Variants in PLEC observed in about 807,000 individuals in gnomAD.
PLEC encodes the protein hemidesmosomal protein 1.
A neutral mutation model predicts 392.8 loss-of-function variants in PLEC; 216 were observed. The ratio of observed to expected loss-of-function variants is 0.55; its 90% CI spans 0.49 to 0.62. The LOEUF (loss-of-function observed/expected upper bound fraction) is 0.62, where lower values mean the gene tolerates loss of function less well. Ranked by LOEUF, PLEC falls within the 20% of genes least tolerant of loss-of-function variation. The pLI, the probability that PLEC is intolerant of heterozygous loss-of-function variation, is 0.00. For synonymous variants in PLEC, 3,621 were observed against 2,980.6 expected, an observed-to-expected ratio of 1.21 and a Z score of -7.00; for missense variants, 6,863 against 6,563.4, an observed-to-expected ratio of 1.05 and a Z score of -1.58.
chr8:143,959,843 A>G (rs1318891462), intron 1 of PLEC, among the ~76,000 whole-genome samples: 1 of 151,864 alleles, frequency 6.6e-6, no homozygotes, highest in African/African-American at 2.4e-5. Flanking sequence ...AAAAATACAA[A>G]ATATTAGCCG....
rs1554697522 is a variant in PLEC, at chr8:143,924,467, T to G, written c.5462A>C (p.Glu1821Ala). The change falls in exon 31 of 32, where the codon GAG becomes GCG. Residue 1821 changes from glutamate (E) to alanine (A), a missense_variant. Physicochemically the swap from Glu to Ala is moderately radical, Grantham distance 107. Coordinates refer to ENST00000345136, the MANE Select transcript of PLEC (RefSeq NM_201384.3). Reference protein sequence around the residue: ...EEAKRQRQLAEEDAARQRAEA... With the variant: ...EEAKRQRQLAAEDAARQRAEA... ...GGCCCGCTGCCGCGCCGCGTCTTCC[T>G]CGGCCAGCTGCCGCTGCCGCTTGGC... is the stretch of plus-strand genomic sequence containing the variant. 1.9e-6 allele frequency: 3 copies of G among 1,545,000 alleles called. No individual in the cohort carries two copies. The highest frequency in any genetic ancestry group is 2.6e-6 in the Non-Finnish European group (3 of 1,155,036).
At chr8:143,929,330 A>G in intron 24 of PLEC, 49 bp from the exon 25 acceptor site, 1 of 1,577,886 alleles carries the variant, frequency 6.3e-7, no homozygotes, top group Non-Finnish European at 8.6e-7. Flanking sequence ...CGCAGCACAC[A>G]GCGCCCCTTG....
At chr8:143,947,868 T>G (rs1554733141) in intron 1 of PLEC, among the ~76,000 whole-genome samples, 1 of 152,196 alleles carries the variant, frequency 6.6e-6, no homozygotes, top group Non-Finnish European at 1.5e-5. Flanking sequence ...GGCCTTCCCA[T>G]GGGTCCTCTC....
chr8:143,923,013 C>A lies in PLEC; in HGVS notation c.6916G>T (p.Ala2306Ser). The A allele has an allele frequency of 6.2e-7, 1 of 1,611,902 alleles. No individual in the cohort carries two copies. The highest frequency in any genetic ancestry group is 1.7e-5 in the Admixed American group (1 of 59,904). Reference protein sequence around the residue: ...LAEEDLAQQRALAEKMLKEKM... With the variant: ...LAEEDLAQQRSLAEKMLKEKM... ...TCCTTGAGCATCTTCTCTGCCAAGG[C>A]CCGCTGCTGTGCCAGGTCCTCCTCT... The change falls in exon 31 of 32, where the codon GCC (alanine) becomes TCC (serine). Residue 2306 changes from alanine to serine, a missense_variant. Transcript: ENST00000345136.
chr8:143,975,466 T>C (rs901493150), upstream of PLEC: 29 of 1,086,862 alleles, frequency 2.7e-5, no homozygotes, highest in African/African-American at 2.5e-4. This position sits in a 1 kb window ranked among gnomAD's most constrained non-coding sequence, Gnocchi z 9.9. Flanking sequence ...ACCTAGACAC[T>C]GAACTCTCCC....
At position 143,924,492 on chromosome 8, in the gene PLEC, C is replaced by A; in HGVS notation, c.5437G>T (p.Ala1813Ser). Residue 1813 changes from alanine to serine, a missense_variant, in exon 31 of 32, where the codon GCC becomes TCC. By Grantham distance (99) the Ala-to-Ser change is moderately conservative. Coordinates refer to ENST00000345136, the MANE Select transcript of PLEC (RefSeq NM_201384.3). The stretch of plus-strand genomic sequence containing the variant: ...TCGGCCAGCTGCCGCTGCCGCTTGG[C>A]CTCTTCCGCCAGGGCACGCAGGCGG... The part of the protein sequence containing the change: ...AARLRALAEE[A>S]KRQRQLAEED... 1.9e-6 allele frequency: 3 copies of A among 1,545,512 alleles called. No homozygotes were observed. In the South Asian group the frequency reaches 3.5e-5, roughly 18 times the overall value.
intron 1 of PLEC, among the ~76,000 whole-genome samples, chr8:143,968,529 C>CAAAAAAAAA (rs57468544): frequency 0.19 from 11,728 of 61,702 alleles, 1,480 homozygotes; most frequent in African/African-American, 0.3. Flanking sequence ...AACTCCATCT[C>CAAAAAAAAA]AAAAAAAAAA....
rs781927726 is a variant in PLEC at position 143,921,584 on chromosome 8, C to A, written c.8237G>T (p.Arg2746Leu). Reference sequence around the variant, plus strand: ...CACAGCCTCGTTGACGGTCAGCCGCCGGTTCCGCACAGGGTCCAGCAGGAA... The same window carrying A: ...CACAGCCTCGTTGACGGTCAGCCGCAGGTTCCGCACAGGGTCCAGCAGGAA... ...SGFLLDPVRN[R>L]RLTVNEAVKE... The change falls in exon 32 of 32, where the codon CGG (arginine) becomes CTG (leucine). Residue 2746 changes from arginine (R) to leucine (L), a missense_variant. Arg to Leu is a moderately radical substitution (Grantham distance 102, BLOSUM62 -2). Transcript: ENST00000345136. 2 of 1,612,226 alleles carry A rather than the reference C, an allele frequency of 1.2e-6. No homozygotes were observed. Among genetic ancestry groups the A allele is most frequent in the Non-Finnish European group, 1.7e-6 (2 of 1,179,392 alleles).
Position 143,920,454 on chromosome 8 carries a change from C to T in PLEC, c.9367G>A (p.Gly3123Ser), listed in dbSNP as rs782603108. The T allele has an allele frequency of 3.1e-6, 5 of 1,601,404 alleles. No individual in the cohort carries two copies. In the South Asian group the frequency reaches 4.4e-5, roughly 14 times the overall value. The change falls in exon 32 of 32, where the codon GGC (glycine) becomes AGC (serine). Residue 3123 changes from glycine to serine, a missense_variant. Transcript: ENST00000345136. Reference protein sequence around the residue: ...SVSLFQALKKGLIPREQGLRL... With the variant: ...SVSLFQALKKSLIPREQGLRL... Reference sequence around the variant, plus strand: ...AGGCCCTGCTCCCGGGGAATGAGGCCCTTCTTCAGGGCCTGGAACAGGGAG... The same window carrying T: ...AGGCCCTGCTCCCGGGGAATGAGGCTCTTCTTCAGGGCCTGGAACAGGGAG...
chr8:143,927,432 C>T lies in PLEC; in HGVS notation c.3734G>A (p.Arg1245Gln), dbSNP rs376541112. The T allele has an allele frequency of 1.0e-4, 163 of 1,601,478 alleles. No individual in the cohort carries two copies. In the South Asian group the frequency reaches 1.2e-3, roughly 12 times the overall value. ...AMPLADSQAV[R>Q]EQLRQEQALL... ...CACCTGCTCCTGCCGCAGCTGCTCC[C>T]GCACAGCCTGGCTGTCGGCCAGCGG... Residue 1245 changes from arginine to glutamine, a missense_variant, in exon 27 of 32, where the codon CGG (arginine) becomes CAG (glutamine). By Grantham distance (43) the Arg-to-Gln change is conservative. Coordinates refer to ENST00000345136, the MANE Select transcript of PLEC (RefSeq NM_201384.3).
At chr8:143,936,803 G>A (rs955717258) in intron 5 of PLEC, among the ~76,000 whole-genome samples, 176 bp downstream of exon 5, 1 of 152,234 alleles carries the variant, frequency 6.6e-6, no homozygotes, top group African/African-American at 2.4e-5. Context: ...TCAGGCCACA[G>A]ATCCAGTCCA....
intron 25 of PLEC, 138 bp from the exon 26 acceptor site, chr8:143,928,130 C>CAGAGGCTTGCTTCAGGAGAAGA: frequency 9.7e-7 from 1 of 1,033,372 alleles, no homozygotes; most frequent in South Asian, 1.7e-5. Flanking sequence ...ACCCTGTGGT[C>CAGAGGCTTGCTTCAGGAGAAGA]AGAGGCTTGC....
rs2131402601 is a variant in PLEC at position 143,924,498 on chromosome 8, C to G, written c.5431G>C (p.Glu1811Gln). Residue 1811 changes from glutamate (E) to glutamine (Q), a missense_variant, in exon 31 of 32, where the codon GAA becomes CAA. Glu to Gln is a conservative substitution (Grantham distance 29, BLOSUM62 2). Transcript: ENST00000345136. ...AGCTGCCGCTGCCGCTTGGCCTCTT[C>G]CGCCAGGGCACGCAGGCGGGCGGCC... ...EEAARLRALA[E>Q]EAKRQRQLAE... The G allele has an allele frequency of 6.5e-7, 1 of 1,545,472 alleles. No individual in the cohort carries two copies. The highest frequency in any genetic ancestry group is 1.2e-5 in the South Asian group (1 of 85,386).
chr8:143,930,669 G>C, intron 19 of PLEC, 133 bp from the exon 20 acceptor site: 1 of 932,418 alleles, frequency 1.1e-6, no homozygotes, highest in Non-Finnish European at 1.6e-6. Flanking sequence ...GGAAGCAGGA[G>C]GTATAGCTGG....
upstream of PLEC, chr8:143,953,926 G>C: frequency 1.4e-6 from 2 of 1,424,200 alleles, no homozygotes; most frequent in Non-Finnish European, 1.8e-6. Context: ...TCAATGCGCC[G>C]GACAGGGCCG....
chr8:143,917,471 C>G lies in PLEC; in HGVS notation c.12350G>C (p.Cys4117Ser). ...CTTCTTCTCCTTCAGCGGCAAGAGA[C>G]ACAGGCCCGTCTGGGGGTCAGTGAT... ...RCITDPQTGL[C>S]LLPLKEKKRE... Residue 4117 changes from cysteine to serine, a missense_variant, in exon 32 of 32, where the codon TGT (cysteine) becomes TCT (serine). By Grantham distance (112) the Cys-to-Ser change is moderately radical. Transcript: ENST00000345136. 6.2e-7 allele frequency: 1 copy of G among 1,613,834 alleles called. No homozygotes were observed.
upstream of PLEC, among the ~76,000 whole-genome samples, chr8:143,954,769 C>T (rs187449649): frequency 4.6e-3 from 707 of 152,310 alleles, 8 homozygotes; most frequent in South Asian, 0.037. The surrounding 1 kb of genome is among the most constrained non-coding windows in gnomAD (Gnocchi z 4.6). Context: ...CAGGGCACCC[C>T]TTCAACACTG....
rs782212708 is a variant in PLEC, at chr8:143,924,363, G to C, written c.5566C>G (p.Leu1856Val). 9.2e-5 allele frequency: 147 copies of C among 1,596,898 alleles called. No homozygotes were observed. The highest frequency in any genetic ancestry group is 2.5e-6 in the Non-Finnish European group (3 of 1,178,752). The stretch of plus-strand genomic sequence containing the variant: ...TCGTTCTCCGCCTCCTTCTCCTTGA[G>C]CGCGATCTCCGCCTCCGTCTTGAGC... ...TRLKTEAEIA[L>V]KEKEAENERL... is the part of the protein sequence containing the mutation. Residue 1856 changes from leucine to valine, a missense_variant, in exon 31 of 32, where the codon CTC (leucine) becomes GTC (valine). Leu to Val is a conservative substitution (Grantham distance 32). Coordinates refer to ENST00000345136, the MANE Select transcript of PLEC (RefSeq NM_201384.3).
chr8:143,917,755 G>A lies in PLEC; in HGVS notation c.12066C>T (p.Leu4022=), dbSNP rs1554673029. The change falls in exon 32 of 32, where the codon CTC becomes CTT. Residue 4022 remains leucine (L), a synonymous_variant. Coordinates refer to ENST00000345136, the MANE Select transcript of PLEC (RefSeq NM_201384.3). ...TGYKDPYSGK[L]ISLFQAMKKG... is the part of the protein sequence containing the mutation. ...TCTTCATGGCCTGGAAGAGGGAGAT[G>A]AGCTTCCCAGAGTAGGGGTCCTTGT... 4 of 1,613,392 alleles carry A rather than the reference G, an allele frequency of 2.5e-6. No individual in the cohort carries two copies. The highest frequency in any genetic ancestry group is 1.7e-5 in the Admixed American group (1 of 59,998).
Sources: allele counts gnomAD v4.1 joint callset (sites outside exome capture counted in the v4.1 genomes callset), GRCh38; gene constraint gnomAD v4.1.1; non-coding constraint Gnocchi (gnomAD v3.1); transcripts MANE v1.5; gene names NCBI Gene and HGNC (gene_info 2026-07-23, HGNC 2026-07-21).